The following BOP1 variants were observed in gnomAD, a reference collection of about 807,000 sequenced individuals.
BOP1 encodes the protein ribosome biogenesis protein BOP1.
A neutral mutation model predicts 82.9 loss-of-function variants in BOP1; 54 were observed. That is an observed-to-expected ratio of 0.65 (90% confidence interval 0.52 to 0.82). The LOEUF is 0.82. Ranked by LOEUF, BOP1 falls within the 40% of genes least tolerant of loss-of-function variation. The pLI is 0.00. For missense variants in BOP1, 1,170 were observed against 1,072.0 expected, an observed-to-expected ratio of 1.09 and a Z score of -1.28; for synonymous variants, 566 against 451.1, an observed-to-expected ratio of 1.25 and a Z score of -3.23.
In BOP1 at chr8:144,280,896, C is replaced by A. The variant is rs111835368; in HGVS notation, c.310-4592G>T. Among the ~76,000 whole-genome samples the A allele has an allele frequency of 5.5e-3, 821 of 150,488 alleles. 11 individuals are homozygous for A. The highest frequency in any genetic ancestry group is 0.019 in the African/African-American group (747 of 40,362). ...AATCATCACTTTAATACCAGGTCTT[C>A]GGCCTTCTCTCACTTTCATACCAGG... is the stretch of plus-strand genomic sequence containing the variant. On this transcript the variant is annotated intron_variant, in intron 2 of 15. Transcript: ENST00000569669.
intron 3 of BOP1, chr8:144,268,144 A>C (rs1457179844): frequency 2.6e-6 from 4 of 1,551,244 alleles, no homozygotes; most frequent in Middle Eastern, 3.6e-4. Flanking sequence ...CGCAGTTAGG[A>C]GGTGGCCGGC....
chr8:144,283,231 G>C (rs1165299738), intron 2 of BOP1, among the ~76,000 whole-genome samples: 1 of 97,374 alleles, frequency 1.0e-5, no homozygotes, highest in Non-Finnish European at 1.9e-5. Flanking sequence ...AAAAAGAAAG[G>C]CTCCATGGTT....
intron 2 of BOP1, among the ~76,000 whole-genome samples, chr8:144,283,201 CAAAAAAAAAAAAAAAA>C (rs60868806): frequency 1.8e-4 from 10 of 54,346 alleles, no homozygotes; most frequent in African/African-American, 1.4e-3. Context: ...AACTCCATCT[CAAAAAAAAAAAAAAAA>C]AAAAAAAAGA....
chr8:144,262,573 C>T lies in BOP1; in HGVS notation c.1979+15G>A. ...AGGGGCTCTGCTGGCCGCCTCCACC[C>T]CCAGCTTTCCTCACCTCAGCATCCT... On this transcript the variant is annotated intron_variant, in intron 14 of 15. Coordinates refer to ENST00000569669, the MANE Select transcript of BOP1 (RefSeq NM_015201.5). 1 of 1,613,366 alleles carries T rather than the reference C, an allele frequency of 6.2e-7. No individual in the cohort carries two copies. Among genetic ancestry groups the T allele is most frequent in the Non-Finnish European group, 8.5e-7 (1 of 1,179,778 alleles).
intron 2 of BOP1, among the ~76,000 whole-genome samples, chr8:144,279,231 C>T (rs923667797): frequency 1.4e-4 from 21 of 151,968 alleles, no homozygotes; most frequent in African/African-American, 2.2e-4. Context: ...GTGCCACGAC[C>T]GCCACAGGCC....
chr8:144,291,249 C>T lies in BOP1; in HGVS notation c.99+23G>A, dbSNP rs1324151698. The T allele has an allele frequency of 2.1e-5, 31 of 1,446,736 alleles. No individual in the cohort carries two copies. Among genetic ancestry groups the T allele is most frequent in the East Asian group, 9.5e-5 (3 of 31,714 alleles). The allele number at this position is 1,446,736 out of a possible 1,614,324, so 89.6% of individuals were successfully genotyped here. A position where few individuals can be genotyped will look rare whatever the true frequency, so the allele number is the denominator to read the frequency against. ...CCGGGCCCTCTAGGGACGCGCCCCG[C>T]CGCCCCGCATCGCCACAGTCACCTC... On this transcript the variant is annotated intron_variant, in intron 1 of 15. Transcript: ENST00000569669. The surrounding 1 kb of genome is among the most constrained non-coding windows in gnomAD (Gnocchi z 4.1).
intron 2 of BOP1, among the ~76,000 whole-genome samples, chr8:144,288,665 C>T (rs1342151220): frequency 1.3e-5 from 2 of 152,228 alleles, no homozygotes; most frequent in Non-Finnish European, 2.9e-5. Context: ...ACCCTCTACC[C>T]GTCGGCTGCT....
In BOP1 at chr8:144,289,169, C is replaced by T. The variant is rs371797893; in HGVS notation, c.235G>A (p.Glu79Lys). The T allele has an allele frequency of 3.1e-6, 5 of 1,614,096 alleles. No individual in the cohort carries two copies. Among genetic ancestry groups the T allele is most frequent in the Non-Finnish European group, 4.2e-6 (5 of 1,180,042 alleles). Residue 79 changes from glutamate to lysine, a missense_variant, in exon 2 of 16, where the codon GAG (glutamate) becomes AAG (lysine). Glu to Lys is a moderately conservative substitution (Grantham distance 56, BLOSUM62 1). Coordinates refer to ENST00000569669, the MANE Select transcript of BOP1 (RefSeq NM_015201.5). Reference protein sequence around the residue: ...DSSEDDDEGDEEGEDGALDDE... With the variant: ...DSSEDDDEGDKEGEDGALDDE... ...TCAAGGGCTCCGTCCTCTCCCTCCT[C>T]GTCGCCTTCGTCATCATCCTCACTG...
In BOP1 at chr8:144,264,299, C is replaced by T; in HGVS notation, c.904G>A (p.Ala302Thr). The stretch of plus-strand genomic sequence containing the variant: ...TGGCCTGGCAGGGCCAGCTTGGGAG[C>T]AGGTACGTGCATCTTGTGGCGCCCG... ...VLGRHKMHVPAPKLALPGHAE... is the reference protein window; with the variant it reads ...VLGRHKMHVPTPKLALPGHAE... The change falls in exon 7 of 16, where the codon GCT becomes ACT. Residue 302 changes from alanine to threonine, a missense_variant. Physicochemically the swap from Ala to Thr is moderately conservative, Grantham distance 58 (BLOSUM62 0). Transcript: ENST00000569669. 2 of 1,611,002 alleles carry T rather than the reference C, an allele frequency of 1.2e-6. No individual in the cohort carries two copies. The highest frequency in any genetic ancestry group is 1.7e-6 in the Non-Finnish European group (2 of 1,179,586).
In BOP1 at chr8:144,280,896, C is replaced by T. The variant is rs111835368; in HGVS notation, c.310-4592G>A. On this transcript the variant is annotated intron_variant, in intron 2 of 15. Coordinates refer to ENST00000569669, the MANE Select transcript of BOP1 (RefSeq NM_015201.5). The stretch of plus-strand genomic sequence containing the variant: ...AATCATCACTTTAATACCAGGTCTT[C>T]GGCCTTCTCTCACTTTCATACCAGG... Among the ~76,000 whole-genome samples the T allele has an allele frequency of 3.6e-3, 535 of 150,536 alleles. 5 individuals are homozygous for T. Among genetic ancestry groups the T allele is most frequent in the Middle Eastern group, 0.01 (3 of 292 alleles).
chr8:144,270,369 G>A (rs1845472617), intron 3 of BOP1, among the ~76,000 whole-genome samples: 1 of 152,168 alleles, frequency 6.6e-6, no homozygotes, highest in South Asian at 2.1e-4. Flanking sequence ...CTAGAAGAAA[G>A]TGAACAGGGA....
At chr8:144,267,398 C>CT (rs1203588631) in intron 3 of BOP1, among the ~76,000 whole-genome samples, 2 of 152,154 alleles carry the variant, frequency 1.3e-5, no homozygotes, top group Non-Finnish European at 1.5e-5. Flanking sequence ...GTGGAGTCCC[C>CT]TGCAGGGAGC....
rs200978829 is a variant in BOP1, at chr8:144,289,231, C to T, written c.173G>A (p.Ser58Asn). The T allele has an allele frequency of 2.1e-5, 34 of 1,613,952 alleles. No individual in the cohort carries two copies. Among genetic ancestry groups the T allele is most frequent in the African/African-American group, 1.9e-4 (14 of 74,910 alleles). ...GGAATCTTCCAGGCCTGAGAACACA[C>T]TTTCCTCGCTGTCGGAGACGCCAGA... ...SDSGVSDSEE[S>N]VFSGLEDSGS... is the part of the protein sequence containing the mutation. Residue 58 changes from serine (S) to asparagine (N), a missense_variant, in exon 2 of 16, where the codon AGT becomes AAT. By Grantham distance (46) the Ser-to-Asn change is conservative (BLOSUM62 1). Transcript: ENST00000569669.
chr8:144,268,115 C>T (rs891109918), intron 3 of BOP1: 79 of 1,551,324 alleles, frequency 5.1e-5, no homozygotes, highest in African/African-American at 1.1e-4. Flanking sequence ...GCAAGGACCG[C>T]GACAGAAAGA....
At position 144,263,343 on chromosome 8, in the gene BOP1, T is replaced by C; in HGVS notation, c.1483A>G (p.Thr495Ala). The C allele has an allele frequency of 2.5e-6, 4 of 1,595,220 alleles. No individual in the cohort carries two copies. The highest frequency in any genetic ancestry group is 2.2e-5 in the South Asian group (2 of 90,738). ...ALGDRLVAGSTDQLLSAFVPP... is the reference protein window; with the variant it reads ...ALGDRLVAGSADQLLSAFVPP... The stretch of plus-strand genomic sequence containing the variant: ...ACGAAGGCGCTCAACAGCTGATCTG[T>C]GCTGCCCGCCACCAGCCGGTCCCCC... Residue 495 changes from threonine (T) to alanine (A), a missense_variant, in exon 12 of 16, where the codon ACA becomes GCA. Transcript: ENST00000569669.
chr8:144,290,699 T>C (rs901346516), intron 1 of BOP1, among the ~76,000 whole-genome samples: 3 of 152,182 alleles, frequency 2.0e-5, no homozygotes, highest in African/African-American at 7.2e-5. Context: ...ATGAGTTGAA[T>C]TCGCTTCACA....
intron 3 of BOP1, 68 bp downstream of exon 3, chr8:144,276,156 C>T: frequency 6.3e-7 from 1 of 1,584,254 alleles, no homozygotes; most frequent in South Asian, 1.1e-5. Flanking sequence ...AGCCCCAACC[C>T]CCAGCACCTG....
chr8:144,276,269 G>A lies in BOP1; in HGVS notation c.345C>T (p.Ser115=), dbSNP rs1406939333. ...STPCPRTEMA[S]ARIGDEYAED... is the part of the protein sequence containing the mutation. Reference sequence around the variant, plus strand: ...CCGCATACTCATCCCCAATCCGGGCGCTCGCCATCTCTGTCCTCGGGCAAG... The same window carrying A: ...CCGCATACTCATCCCCAATCCGGGCACTCGCCATCTCTGTCCTCGGGCAAG... Residue 115 remains serine, a synonymous_variant, in exon 3 of 16, where the codon AGC becomes AGT. Transcript: ENST00000569669. 6.8e-6 allele frequency: 11 copies of A among 1,613,494 alleles called. No individual in the cohort carries two copies. Among genetic ancestry groups the A allele is most frequent in the East Asian group, 4.5e-5 (2 of 44,888 alleles).
At chr8:144,265,261 C>T (rs996426575) in intron 3 of BOP1, 190 bp from the exon 4 acceptor site, 44 of 671,136 alleles carry the variant, frequency 6.6e-5, no homozygotes, top group Non-Finnish European at 1.1e-4. Flanking sequence ...GGCCACGCTG[C>T]CCCCACCCCC....
Sources: allele counts gnomAD v4.1 joint callset (sites outside exome capture counted in the v4.1 genomes callset), GRCh38; gene constraint gnomAD v4.1.1; non-coding constraint Gnocchi (gnomAD v3.1); transcripts MANE v1.5; gene names NCBI Gene and HGNC (gene_info 2026-07-23, HGNC 2026-07-21).